Variants in SENP6 observed in about 807,000 individuals in gnomAD.
SENP6 encodes the protein sentrin-specific protease 6.
A neutral mutation model predicts 134.5 loss-of-function variants in SENP6; 41 were observed. The observed-to-expected ratio is 0.30, with a 90% CI of 0.24 to 0.40. SENP6 has a LOEUF of 0.40. SENP6 is among the 10% of genes least tolerant of loss of function. SENP6 has a pLI of 1.00. For synonymous variants in SENP6, 395 were observed against 429.8 expected (o/e 0.92, Z 1.00); for missense variants, 1,248 against 1,312.5 (o/e 0.95, Z 0.76).
intron 7 of SENP6, among the ~76,000 whole-genome samples, chr6:75,649,085 C>T (rs9352232): frequency 0.11 from 17,155 of 151,948 alleles, 992 homozygotes; most frequent in African/African-American, 0.14. Context: ...TGCAGGCAAT[C>T]ACCTGAGGTC....
intron 8 of SENP6, among the ~76,000 whole-genome samples, chr6:75,662,430 C>T (rs1455809891): frequency 1.3e-5 from 2 of 151,996 alleles, no homozygotes; most frequent in Non-Finnish European, 2.9e-5. Context: ...CCACCATGTC[C>T]AGGTTTAGTC....
chr6:75,635,564 T>C (rs1422830241), intron 5 of SENP6, among the ~76,000 whole-genome samples: 1 of 152,160 alleles, frequency 6.6e-6, no homozygotes, highest in African/African-American at 2.4e-5. Context: ...AGATGGGCTA[T>C]CAGATCTTTT....
chr6:75,710,470 A>G (rs899550526), intron 20 of SENP6, among the ~76,000 whole-genome samples: 1 of 152,180 alleles, frequency 6.6e-6, no homozygotes, highest in South Asian at 2.1e-4. Context: ...TGAGTTGTAT[A>G]GTAGTGAAGA....
At chr6:75,691,692 C>G (rs1273552939) in intron 16 of SENP6, among the ~76,000 whole-genome samples, 1 of 151,934 alleles carries the variant, frequency 6.6e-6, no homozygotes, top group Non-Finnish European at 1.5e-5. Flanking sequence ...CTCCGCCTCC[C>G]TGAGGCATTC....
At chr6:75,696,020 T>G in intron 17 of SENP6, 97 bp downstream of exon 17, 1,790 of 871,952 alleles carry the variant, frequency 2.1e-3, no homozygotes, top group Non-Finnish European at 2.5e-3. Context: ...ATCTCTGCAG[T>G]TCTCTTGCTT....
intron 5 of SENP6, among the ~76,000 whole-genome samples, chr6:75,637,576 T>G (rs1406794316): frequency 2.0e-5 from 3 of 152,204 alleles, no homozygotes; most frequent in Admixed American, 1.3e-4. Flanking sequence ...TCAATCTGAC[T>G]TGTTGAAACA....
At chr6:75,704,660 G>C (rs1775267481) in intron 19 of SENP6, among the ~76,000 whole-genome samples, 1 of 152,174 alleles carries the variant, frequency 6.6e-6, no homozygotes, top group African/African-American at 2.4e-5. Context: ...GACCCTTCAC[G>C]GGTGTTGGGC....
At chr6:75,662,201 A>T (rs139515338) in intron 8 of SENP6, among the ~76,000 whole-genome samples, 151 of 152,302 alleles carry the variant, frequency 9.9e-4, no homozygotes, top group African/African-American at 3.2e-3. Context: ...TGCAGATAGT[A>T]TGTGATATGT....
chr6:75,667,258 C>T (rs187753330), intron 10 of SENP6, among the ~76,000 whole-genome samples: 1 of 152,238 alleles, frequency 6.6e-6, no homozygotes, highest in Non-Finnish European at 1.5e-5. Flanking sequence ...ATATATTTTA[C>T]TGTAATACTA....
rs1776069525 is a variant in SENP6 at position 75,717,379 on chromosome 6, T to G, written c.*1785T>G. On this transcript the variant is annotated 3_prime_UTR_variant, in exon 24 of 24. Transcript: ENST00000447266. The stretch of plus-strand genomic sequence containing the variant: ...TTTGTAATGCTTACATTTTGCACCC[T>G]TAGATAATGTTTGATAAGATAAAAA... The G allele has an allele frequency of 6.6e-6, 1 of 152,072 alleles. No homozygotes were observed. Among genetic ancestry groups the G allele is most frequent in the Non-Finnish European group, 1.5e-5 (1 of 67,944 alleles). 9.4% of individuals were successfully genotyped at this position (152,072 alleles called of 1,614,324 possible).
chr6:75,617,886 G>T (rs1323951731), intron 1 of SENP6, among the ~76,000 whole-genome samples: 1 of 151,954 alleles, frequency 6.6e-6, no homozygotes, highest in Non-Finnish European at 1.5e-5. Context: ...ACTGTATACA[G>T]GTATTTTATA....
At chr6:75,634,363 C>G (rs760993533) in intron 4 of SENP6, among the ~76,000 whole-genome samples, 1 of 152,152 alleles carries the variant, frequency 6.6e-6, no homozygotes, top group East Asian at 1.9e-4. Context: ...TCTCCTGCTT[C>G]ATCCTCCCGA....
At chr6:75,607,752 C>T (rs1194703798) in intron 1 of SENP6, among the ~76,000 whole-genome samples, 1 of 152,192 alleles carries the variant, frequency 6.6e-6, no homozygotes, top group Non-Finnish European at 1.5e-5. Flanking sequence ...TTGTTCTCTA[C>T]AGATACCAGC....
intron 4 of SENP6, among the ~76,000 whole-genome samples, chr6:75,633,999 A>G (rs1433034942): frequency 6.6e-6 from 1 of 152,208 alleles, no homozygotes; most frequent in Non-Finnish European, 1.5e-5. Flanking sequence ...GTAGAATCTC[A>G]GTCATAATAT....
chr6:75,695,980 G>GA, intron 17 of SENP6, 57 bp downstream of exon 17: 1 of 1,441,564 alleles, frequency 6.9e-7, no homozygotes, highest in Non-Finnish European at 9.3e-7. Flanking sequence ...TTAACTAAGT[G>GA]AAAAATCACG....
intron 1 of SENP6, among the ~76,000 whole-genome samples, chr6:75,616,418 T>C (rs1335062317): frequency 6.6e-6 from 1 of 152,198 alleles, no homozygotes; most frequent in African/African-American, 2.4e-5. Context: ...GAGGTTCTAA[T>C]CTAATATCAA....
intron 19 of SENP6, among the ~76,000 whole-genome samples, chr6:75,705,647 G>A (rs1326344081): frequency 1.3e-5 from 2 of 151,958 alleles, no homozygotes; most frequent in African/African-American, 4.8e-5. Flanking sequence ...CAACCTACAA[G>A]TAAAATAATC....
At chr6:75,682,074 A>G (rs965141858) in intron 16 of SENP6, among the ~76,000 whole-genome samples, 1 of 152,224 alleles carries the variant, frequency 6.6e-6, no homozygotes, top group Non-Finnish European at 1.5e-5. Flanking sequence ...AAACCATACA[A>G]ACATTAAACA....
At chr6:75,692,743 C>T (rs1274616361) in intron 16 of SENP6, among the ~76,000 whole-genome samples, 1 of 151,954 alleles carries the variant, frequency 6.6e-6, no homozygotes, top group African/African-American at 2.4e-5. Context: ...GCATCCCACT[C>T]CTCCCTCACA....
Sources: allele counts gnomAD v4.1 joint callset (sites outside exome capture counted in the v4.1 genomes callset), GRCh38; gene constraint gnomAD v4.1.1; transcripts MANE v1.5; gene names NCBI Gene and HGNC (gene_info 2026-07-23, HGNC 2026-07-21).